KLF6: variants seen among roughly 807,000 people sequenced by gnomAD.
KLF6 encodes the protein Krueppel-like factor 6.
For missense variants in KLF6, 233 were observed against 359.8 expected, an observed-to-expected ratio of 0.65 and a Z score of 2.85; for synonymous variants, 152 against 147.9, an observed-to-expected ratio of 1.03 and a Z score of -0.20.
At position 3,777,306 on chromosome 10, in the gene KLF6, G is replaced by A; in HGVS notation, c.*2233C>T. 1.9e-6 allele frequency: 1 copy of A among 514,218 alleles called. No homozygotes were observed. 31.9% of individuals were successfully genotyped at this position (514,218 alleles called of 1,614,324 possible). ...CCACGCCGTGGTATGCCAATTCGGG[G>A]AAATTACTCCTTGGAAAAACTGGAA... is the stretch of plus-strand genomic sequence containing the variant. On this transcript the variant is annotated 3_prime_UTR_variant, in exon 4 of 4. Coordinates refer to ENST00000497571, the MANE Select transcript of KLF6 (RefSeq NM_001300.6).
In KLF6 at chr10:3,776,510, T is replaced by C. The variant is rs1832379750; in HGVS notation, c.*3029A>G. On this transcript the variant is annotated 3_prime_UTR_variant, in exon 4 of 4. Coordinates refer to ENST00000497571, the MANE Select transcript of KLF6 (RefSeq NM_001300.6). ...GGTGATGAATGCAGGAGGAATCTGT[T>C]CCAACAACCCCCTTCCCCCAAAAAA... is the stretch of plus-strand genomic sequence containing the variant. 1 of 529,614 alleles carries C rather than the reference T, an allele frequency of 1.9e-6. No homozygotes were observed. The highest frequency in any genetic ancestry group is 3.7e-6 in the Non-Finnish European group (1 of 273,488). 32.8% of individuals were successfully genotyped at this position (529,614 alleles called of 1,614,324 possible).
At position 3,782,144 on chromosome 10, in the gene KLF6, T is replaced by C. The variant is rs746555690; in HGVS notation, c.173A>G (p.Asp58Gly). The C allele has an allele frequency of 6.2e-7, 1 of 1,613,716 alleles. No individual in the cohort carries two copies. The highest frequency in any genetic ancestry group is 1.1e-5 in the South Asian group (1 of 91,080). ...TTTGGTCCACAGATCTTCCTGGCTG[T>C]CAAATTTGATTTCTGAGGCTGAAAC... ...CYVSASEIKFDSQEDLWTKII... is the reference protein window; with the variant it reads ...CYVSASEIKFGSQEDLWTKII... The change falls in exon 2 of 4, where the codon GAC becomes GGC. Residue 58 changes from aspartate to glycine, a missense_variant. Physicochemically the swap from Asp to Gly is moderately conservative, Grantham distance 94. Transcript: ENST00000497571. This position sits in a 1 kb window ranked among gnomAD's most constrained non-coding sequence, Gnocchi z 4.3.
rs1176390349 is a variant in KLF6 at position 3,778,172 on chromosome 10, T to A, written c.*1367A>T. 1 of 522,178 alleles carries A rather than the reference T, an allele frequency of 1.9e-6. No individual in the cohort carries two copies. The highest frequency in any genetic ancestry group is 3.7e-6 in the Non-Finnish European group (1 of 268,586). The allele number at this position is 522,178 out of a possible 1,614,324, so 32.3% of individuals were successfully genotyped here. ...TTGTGAAGGAGGACCTTAAAGAGAT[T>A]TTTTTTCTGTATTATACGTTGATAC... is the stretch of plus-strand genomic sequence containing the variant. On this transcript the variant is annotated 3_prime_UTR_variant, in exon 4 of 4. Coordinates refer to ENST00000497571, the MANE Select transcript of KLF6 (RefSeq NM_001300.6).
rs779031125 is a variant in KLF6 at position 3,779,534 on chromosome 10, C to T, written c.*5G>A. The T allele has an allele frequency of 1.9e-6, 3 of 1,612,828 alleles. No individual in the cohort carries two copies. The highest frequency in any genetic ancestry group is 3.3e-5 in the Admixed American group (2 of 60,034). ...TTAGCCTACAGGATCCACCTCTCTG[C>T]TCCCTCAGAGGTGCCTCTTCATGTG... On this transcript the variant is annotated 3_prime_UTR_variant, in exon 4 of 4. Transcript: ENST00000497571.
rs537456844 is a variant in KLF6 at position 3,776,881 on chromosome 10, G to A, written c.*2658C>T. 525 of 522,396 alleles carry A rather than the reference G, an allele frequency of 1.0e-3. 7 individuals carry two copies. The highest frequency in any genetic ancestry group is 2.8e-3 in the East Asian group (69 of 24,870). 32.4% of individuals were successfully genotyped at this position (522,396 alleles called of 1,614,324 possible). On this transcript the variant is annotated 3_prime_UTR_variant, in exon 4 of 4. Coordinates refer to ENST00000497571, the MANE Select transcript of KLF6 (RefSeq NM_001300.6). ...GTACCCAGCCCCACCCAGGCAAACAGCTCCGACATGTTTCGTAAGTGAGAC... is the reference window on the plus strand; with the variant it reads ...GTACCCAGCCCCACCCAGGCAAACAACTCCGACATGTTTCGTAAGTGAGAC...
rs1161781854 is a variant in KLF6 at position 3,785,165 on chromosome 10, A to T, written c.-151T>A. ...CCGGCCGGACCCTCCCGCAGCCCGC[A>T]GCGCGCGGAGCCCACACAATATTTG... On this transcript the variant is annotated 5_prime_UTR_variant, in exon 1 of 4. Transcript: ENST00000497571. 3.4e-6 allele frequency: 5 copies of T among 1,467,914 alleles called. No homozygotes were observed. The highest frequency in any genetic ancestry group is 1.4e-5 in the African/African-American group (1 of 71,538). The allele number at this position is 1,467,914 out of a possible 1,614,324, so 90.9% of individuals were successfully genotyped here. A position where few individuals can be genotyped will look rare whatever the true frequency, so the allele number is the denominator to read the frequency against.
In KLF6 at chr10:3,777,143, G is replaced by C. The variant is rs1461368403; in HGVS notation, c.*2396C>G. On this transcript the variant is annotated 3_prime_UTR_variant, in exon 4 of 4. Transcript: ENST00000497571. Reference sequence around the variant, plus strand: ...ATCAGCCCAGATAAAAAAAAAACCAGTTATGTGAGCGTTAGTCACTGCTCA... The same window carrying C: ...ATCAGCCCAGATAAAAAAAAAACCACTTATGTGAGCGTTAGTCACTGCTCA... The C allele has an allele frequency of 3.9e-6, 2 of 509,252 alleles. No homozygotes were observed. The highest frequency in any genetic ancestry group is 3.8e-5 in the African/African-American group (2 of 52,430). 31.5% of individuals were successfully genotyped at this position (509,252 alleles called of 1,614,324 possible). A position where few individuals can be genotyped will look rare whatever the true frequency, so the allele number is the denominator to read the frequency against.
Position 3,779,557 on chromosome 10 carries a change from G to A in KLF6, c.834C>T (p.His278=), listed in dbSNP as rs1832476374. 1 of 1,614,032 alleles carries A rather than the reference G, an allele frequency of 6.2e-7. No individual in the cohort carries two copies. The highest frequency in any genetic ancestry group is 8.5e-7 in the Non-Finnish European group (1 of 1,179,888). Residue 278 remains histidine (H), a synonymous_variant, in exon 4 of 4, where the codon CAC becomes CAT. Coordinates refer to ENST00000497571, the MANE Select transcript of KLF6 (RefSeq NM_001300.6). ...CFSRSDHLAL[H]MKRHL The stretch of plus-strand genomic sequence containing the variant: ...TGCTCCCTCAGAGGTGCCTCTTCAT[G>A]TGCAGGGCCAGGTGGTCAGACCTGG...
chr10:3,780,443 C>T lies in KLF6; in HGVS notation c.677-214G>A. On this transcript the variant is annotated intron_variant, in intron 2 of 3. Transcript: ENST00000497571. The surrounding 1 kb of genome is among the most constrained non-coding windows in gnomAD (Gnocchi z 4.6). ...TCCCACTGCTGTCCAAGGGACACAGCTTCAGCCAAGCCCATGGTGCTGTCA... is the reference window on the plus strand; with the variant it reads ...TCCCACTGCTGTCCAAGGGACACAGTTTCAGCCAAGCCCATGGTGCTGTCA... 1 of 630,344 alleles carries T rather than the reference C, an allele frequency of 1.6e-6. No homozygotes were observed. The highest frequency in any genetic ancestry group is 2.8e-5 in the East Asian group (1 of 35,402). The allele number at this position is 630,344 out of a possible 1,614,324, so 39.0% of individuals were successfully genotyped here. A position where few individuals can be genotyped will look rare whatever the true frequency, so the allele number is the denominator to read the frequency against.
intron 1 of KLF6, among the ~76,000 whole-genome samples, chr10:3,784,344 G>A (rs904771598): frequency 6.6e-6 from 1 of 152,130 alleles, no homozygotes; most frequent in African/African-American, 2.4e-5. Flanking sequence ...GGTGTACACA[G>A]TTTTATTTTT....
chr10:3,777,011 A>G lies in KLF6; in HGVS notation c.*2528T>C, dbSNP rs111991786. On this transcript the variant is annotated 3_prime_UTR_variant, in exon 4 of 4. Coordinates refer to ENST00000497571, the MANE Select transcript of KLF6 (RefSeq NM_001300.6). ...TAAGCACATAGAAGGCCAAAAAAGG[A>G]GTTTTCCAAACCCAGCAAATCAAGT... The G allele has an allele frequency of 1.6e-5, 8 of 515,850 alleles. No individual in the cohort carries two copies. Among genetic ancestry groups the G allele is most frequent in the Admixed American group, 4.5e-5 (2 of 44,242 alleles). 32.0% of individuals were successfully genotyped at this position (515,850 alleles called of 1,614,324 possible).
rs1801348629 is a variant in KLF6 at position 3,778,893 on chromosome 10, T to G, written c.*646A>C. On this transcript the variant is annotated 3_prime_UTR_variant, in exon 4 of 4. Coordinates refer to ENST00000497571, the MANE Select transcript of KLF6 (RefSeq NM_001300.6). ...ACAAGCTACTTGACACATTGCACAT[T>G]TAATAGCTGCACCAGACACTAAGAG... is the stretch of plus-strand genomic sequence containing the variant. 1.9e-6 allele frequency: 1 copy of G among 534,280 alleles called. No individual in the cohort carries two copies. The highest frequency in any genetic ancestry group is 3.6e-6 in the Non-Finnish European group (1 of 276,416). The allele number at this position is 534,280 out of a possible 1,614,324, so 33.1% of individuals were successfully genotyped here.
intron 1 of KLF6, among the ~76,000 whole-genome samples, chr10:3,783,652 GGCAGCA>G (rs1311424659): frequency 2.0e-5 from 3 of 152,226 alleles, no homozygotes; most frequent in African/African-American, 7.2e-5. Context: ...TCTGAAGAGA[GGCAGCA>G]GCGATGTATT....
At position 3,778,077 on chromosome 10, in the gene KLF6, A is replaced by G. The variant is rs1487890617; in HGVS notation, c.*1462T>C. ...TTCCATTTTCCTGTTTTCCATTTTA[A>G]CACTGACAGTCAAGTTGCCTAAAGT... On this transcript the variant is annotated 3_prime_UTR_variant, in exon 4 of 4. Transcript: ENST00000497571. The G allele has an allele frequency of 1.9e-6, 1 of 515,534 alleles. No individual in the cohort carries two copies. The allele number at this position is 515,534 out of a possible 1,614,324, so 31.9% of individuals were successfully genotyped here. A position where few individuals can be genotyped will look rare whatever the true frequency, so the allele number is the denominator to read the frequency against.
rs764205702 is a variant in KLF6 at position 3,779,383 on chromosome 10, CT to C, written c.*155del. The C allele has an allele frequency of 4.2e-6, 3 of 718,494 alleles. No homozygotes were observed. Among genetic ancestry groups the C allele is most frequent in the Non-Finnish European group, 5.0e-6 (2 of 396,566 alleles). 44.5% of individuals were successfully genotyped at this position (718,494 alleles called of 1,614,324 possible). On this transcript the variant is annotated 3_prime_UTR_variant, in exon 4 of 4. Transcript: ENST00000497571. ...GGTGCTATGCCGCTTCTTACAGGAC[CT>C]TTTTAGCCCTCAAAAGACCTTCCAA...
rs978881742 is a variant in KLF6, at chr10:3,785,107, A to C, written c.-93T>G. ...AAAGTCTCCCCGGAGCGCAGGTGAA[A>C]GTTTCATGCAAACTCCAGGCTCGCA... is the stretch of plus-strand genomic sequence containing the variant. On this transcript the variant is annotated 5_prime_UTR_variant, in exon 1 of 4. Coordinates refer to ENST00000497571, the MANE Select transcript of KLF6 (RefSeq NM_001300.6). 5.1e-6 allele frequency: 8 copies of C among 1,579,626 alleles called. No homozygotes were observed. Among genetic ancestry groups the C allele is most frequent in the Non-Finnish European group, 6.9e-6 (8 of 1,164,176 alleles).
rs2131088319 is a variant in KLF6 at position 3,776,040 on chromosome 10, GTGGGC to G, written c.*3494_*3498del. Reference sequence around the variant, plus strand: ...TATTTTCTGCCCTCCTTGACTGAGAGTGGGCTGAGGTTGTGAGAACAGCCCTCTGG... The same window carrying G: ...TATTTTCTGCCCTCCTTGACTGAGAGTGAGGTTGTGAGAACAGCCCTCTGG... On this transcript the variant is annotated 3_prime_UTR_variant, in exon 4 of 4. Transcript: ENST00000497571. 1 of 505,842 alleles carries G rather than the reference GTGGGC, an allele frequency of 2.0e-6. No individual in the cohort carries two copies. Among genetic ancestry groups the G allele is most frequent in the South Asian group, 1.6e-5 (1 of 64,478 alleles). The allele number at this position is 505,842 out of a possible 1,614,324, so 31.3% of individuals were successfully genotyped here. A position where few individuals can be genotyped will look rare whatever the true frequency, so the allele number is the denominator to read the frequency against.
In KLF6 at chr10:3,781,537, GCCCTGACCACATCCTGTGCAGCCAGGC is replaced by G. The variant is rs1422481323; in HGVS notation, c.676+77_676+103del. ...CATCTGAGGAAGTGAGGATTTGTCTGCCCTGACCACATCCTGTGCAGCCAGGCCCGGCTCCCTCCAGGGCTGGTGCAA... is the reference window on the plus strand; with the variant it reads ...CATCTGAGGAAGTGAGGATTTGTCTGCCGGCTCCCTCCAGGGCTGGTGCAA... On this transcript the variant is annotated intron_variant, in intron 2 of 3. Coordinates refer to ENST00000497571, the MANE Select transcript of KLF6 (RefSeq NM_001300.6). The surrounding 1 kb of genome is among the most constrained non-coding windows in gnomAD (Gnocchi z 5.8). 10 of 1,561,636 alleles carry G rather than the reference GCCCTGACCACATCCTGTGCAGCCAGGC, an allele frequency of 6.4e-6. No homozygotes were observed. The highest frequency in any genetic ancestry group is 1.7e-4 in the Middle Eastern group (1 of 6,020).
intron 3 of KLF6, 125 bp from the exon 4 acceptor site, chr10:3,779,715 CT>C: frequency 1.2e-6 from 1 of 834,932 alleles, no homozygotes; most frequent in South Asian, 1.4e-5. Context: ...TGGGATTCTC[CT>C]CCCAAGCCTC....
Sources: allele counts gnomAD v4.1 joint callset (sites outside exome capture counted in the v4.1 genomes callset), GRCh38; gene constraint gnomAD v4.1.1; non-coding constraint Gnocchi (gnomAD v3.1); transcripts MANE v1.5; gene names NCBI Gene and HGNC (gene_info 2026-07-23, HGNC 2026-07-21).